The following RABGAP1L variants were observed in gnomAD, a reference collection of about 807,000 sequenced individuals.
The protein encoded by RABGAP1L is rab GTPase-activating protein 1-like.
RABGAP1L carries 63 observed loss-of-function variants against 137.7 expected under a neutral mutation model. The ratio of observed to expected loss-of-function variants is 0.46; its 90% CI spans 0.37 to 0.56. RABGAP1L has a LOEUF of 0.56. Ranked by LOEUF, RABGAP1L falls within the 20% of genes least tolerant of loss-of-function variation. The pLI is 0.00. For missense variants in RABGAP1L, 1,095 were observed against 1,244.0 expected (o/e 0.88, Z 1.80); for synonymous variants, 431 against 433.7 (o/e 0.99, Z 0.08).
intron 11 of RABGAP1L, among the ~76,000 whole-genome samples, chr1:174,318,580 T>TTTTCTTTCCTTCTTTC (rs1553272544): frequency 6.0e-5 from 7 of 117,550 alleles, no homozygotes; most frequent in Admixed American, 8.9e-5. Context: ...TTGGTGATTG[T>TTTTCTTTCCTTCTTTC]TTTCTTTCTT....
intron 19 of RABGAP1L, among the ~76,000 whole-genome samples, chr1:174,865,581 T>A (rs538923435): frequency 6.6e-6 from 1 of 152,242 alleles, no homozygotes; most frequent in South Asian, 2.1e-4. Context: ...ATCAGAGATT[T>A]TTTTTTGTTT....
chr1:174,984,062 A>C (rs1292508968), intron 24 of RABGAP1L, among the ~76,000 whole-genome samples: 2 of 149,020 alleles, frequency 1.3e-5, no homozygotes, highest in Admixed American at 6.7e-5. Flanking sequence ...TCTAACAAAA[A>C]AAAAAAAAAA....
chr1:174,941,533 T>C (rs969364186), intron 19 of RABGAP1L, among the ~76,000 whole-genome samples: 1 of 152,146 alleles, frequency 6.6e-6, no homozygotes, highest in Non-Finnish European at 1.5e-5. Flanking sequence ...CTGCACAGTG[T>C]CACCCGAGGC....
intron 13 of RABGAP1L, among the ~76,000 whole-genome samples, chr1:174,519,300 C>G (rs1254097498): frequency 6.6e-6 from 1 of 151,942 alleles, no homozygotes; most frequent in East Asian, 1.9e-4. Context: ...AACAGGCTGT[C>G]TGCAAGCTTG....
chr1:174,471,523 A>G (rs530403274), intron 13 of RABGAP1L, among the ~76,000 whole-genome samples: 4 of 152,350 alleles, frequency 2.6e-5, no homozygotes, highest in African/African-American at 9.6e-5. Context: ...ATCTTTTTCA[A>G]AGGAATTGAA....
At chr1:174,937,619 AAT>A (rs148901840) in intron 19 of RABGAP1L, among the ~76,000 whole-genome samples, 1,518 of 109,510 alleles carry the variant, frequency 0.014, 178 homozygotes, top group African/African-American at 0.07. Context: ...TACTTCATTA[AAT>A]ATATATATAT....
At chr1:174,774,906 T>A (rs528943819) in intron 18 of RABGAP1L, among the ~76,000 whole-genome samples, 25 of 152,162 alleles carry the variant, frequency 1.6e-4, no homozygotes, top group African/African-American at 5.8e-4. Flanking sequence ...ATAAAAAGTA[T>A]AATGGCTTGA....
intron 14 of RABGAP1L, among the ~76,000 whole-genome samples, chr1:174,657,641 G>T (rs1676059792): frequency 6.6e-6 from 1 of 152,028 alleles, no homozygotes; most frequent in South Asian, 2.1e-4. Flanking sequence ...CCATTCATCT[G>T]TTGTTGGACA....
At position 174,549,340 on chromosome 1, in the gene RABGAP1L, G is replaced by T. The variant is rs558010068; in HGVS notation, c.1711-88035G>T. On this transcript the variant is annotated intron_variant, in intron 13 of 25. Transcript: ENST00000681986. ...TTTTTCTTAATGTAAATTATAGAAA[G>T]TAAACTCAACAAAATTTTCTTTCAG... Among the ~76,000 whole-genome samples the T allele has an allele frequency of 1.0e-3, 153 of 152,258 alleles. No individual in the cohort carries two copies. In the South Asian group the frequency reaches 0.022, roughly 22 times the overall value.
intron 13 of RABGAP1L, among the ~76,000 whole-genome samples, chr1:174,496,508 G>A (rs1199388933): frequency 3.3e-5 from 5 of 152,198 alleles, no homozygotes; most frequent in Non-Finnish European, 7.3e-5. Context: ...GGAGGCTGCA[G>A]AATACTTGGA....
chr1:174,582,345 T>C (rs1231927142), intron 13 of RABGAP1L, among the ~76,000 whole-genome samples: 1 of 151,620 alleles, frequency 6.6e-6, no homozygotes, highest in Non-Finnish European at 1.5e-5. Context: ...AAATCATTAG[T>C]GAACATCTTG....
chr1:174,240,529 T>G (rs909938069), intron 4 of RABGAP1L, among the ~76,000 whole-genome samples: 2 of 152,262 alleles, frequency 1.3e-5, no homozygotes, highest in African/African-American at 4.8e-5. Context: ...ATTACAGGCG[T>G]GAGCCACTGC....
chr1:174,234,809 C>T (rs1477135493), intron 4 of RABGAP1L, among the ~76,000 whole-genome samples: 2 of 148,260 alleles, frequency 1.3e-5, no homozygotes, highest in African/African-American at 2.5e-5. Context: ...TGAAGAAAGT[C>T]ATTGGTAGCT....
chr1:174,598,452 T>G (rs547305066), intron 13 of RABGAP1L, among the ~76,000 whole-genome samples: 1 of 152,254 alleles, frequency 6.6e-6, no homozygotes, highest in South Asian at 2.1e-4. Context: ...TAAGTCCAAT[T>G]TTTTTGTTGA....
chr1:174,283,907 T>G (rs1675811760), intron 10 of RABGAP1L, among the ~76,000 whole-genome samples: 1 of 152,212 alleles, frequency 6.6e-6, no homozygotes, highest in East Asian at 1.9e-4. Flanking sequence ...ATCTCAGCAG[T>G]TATGTCACTT....
At chr1:174,667,268 A>G (rs1313469617) in intron 14 of RABGAP1L, among the ~76,000 whole-genome samples, 1 of 152,164 alleles carries the variant, frequency 6.6e-6, no homozygotes, top group Admixed American at 6.5e-5. Context: ...TTGAAACCCA[A>G]GGCAAATCAG....
chr1:174,548,307 T>C, intron 13 of RABGAP1L: 1 of 1,241,640 alleles, frequency 8.1e-7, no homozygotes, highest in East Asian at 3.4e-5. Flanking sequence ...CCCTCTTAAT[T>C]TATCCATTTG....
intron 11 of RABGAP1L, among the ~76,000 whole-genome samples, chr1:174,313,522 G>A (rs1425657222): frequency 6.6e-6 from 1 of 152,098 alleles, no homozygotes; most frequent in African/African-American, 2.4e-5. Flanking sequence ...TGGTAACAGT[G>A]CTCTAGCTAG....
At chr1:174,291,363 T>C (rs139109293) in intron 10 of RABGAP1L, among the ~76,000 whole-genome samples, 1 of 152,234 alleles carries the variant, frequency 6.6e-6, no homozygotes, top group East Asian at 1.9e-4. Context: ...ATTGACCCAG[T>C]AATACATTTT....
Sources: gnomAD v4.1 joint callset for allele counts (sites outside exome capture counted in the v4.1 genomes callset) on GRCh38, gnomAD v4.1.1 for gene constraint, MANE v1.5 for transcripts, NCBI Gene and HGNC (gene_info 2026-07-23, HGNC 2026-07-21) for gene names.